Variants in CNKSR2 observed in about 807,000 individuals in gnomAD.
The protein encoded by CNKSR2 is CNK homolog protein 2.
Under a neutral mutation model 84.4 loss-of-function variants are expected in CNKSR2, and 14 were observed. The observed-to-expected ratio is 0.17, with a 90% confidence interval of 0.11 to 0.26. The LOEUF (loss-of-function observed/expected upper bound fraction) is 0.26. Ranked by LOEUF, CNKSR2 falls within the 10% of genes least tolerant of loss-of-function variation. The pLI, the probability that CNKSR2 is intolerant of heterozygous loss-of-function variation, is 1.00. For synonymous variants in CNKSR2, 275 were observed against 277.9 expected, an observed-to-expected ratio of 0.99 and a Z score of 0.10; for missense variants, 485 against 771.2, an observed-to-expected ratio of 0.63 and a Z score of 4.40.
chrX:21,527,356 TAC>T (rs1014350546), intron 10 of CNKSR2, among the ~76,000 whole-genome samples: 5 of 110,367 alleles, frequency 4.5e-5, no homozygotes, highest in African/African-American at 1.6e-4. Flanking sequence ...AAGCATTTCA[TAC>T]ATTTTTTTTT....
At chrX:21,456,185 C>T (rs766448751) in intron 4 of CNKSR2, among the ~76,000 whole-genome samples, 6 of 111,818 alleles carry the variant, frequency 5.4e-5, no homozygotes, top group African/African-American at 1.9e-4. Context: ...ATATTCATCA[C>T]CTCACATAGT....
rs2089765814 is a variant in CNKSR2, at chrX:21,374,490, G to A, written c.-408G>A. ...CGTGAGGCGAGCGGGCAAGTTGGCT[G>A]AGGGCGTGCGGCAGAGGCTGCTTCC... On this transcript the variant is annotated 5_prime_UTR_variant, in exon 1 of 22. Coordinates refer to ENST00000379510, the MANE Select transcript of CNKSR2 (RefSeq NM_014927.5). 1 of 374,421 alleles carries A rather than the reference G, an allele frequency of 2.7e-6. No individual in the cohort carries two copies. The highest frequency in any genetic ancestry group is 4.7e-6 in the Non-Finnish European group (1 of 211,475). The allele number at this position is 374,421 out of a possible 1,213,427, so 30.9% of individuals were successfully genotyped here. A position where few individuals can be genotyped will look rare whatever the true frequency, so the allele number is the denominator to read the frequency against.
chrX:21,513,032 A>G (rs181370450), intron 8 of CNKSR2, among the ~76,000 whole-genome samples: 559 of 112,310 alleles, frequency 5.0e-3, no homozygotes, highest in Non-Finnish European at 8.8e-3. Flanking sequence ...AAATATAAAT[A>G]AAAAGAATGT....
At chrX:21,403,628 C>T (rs1275913403) in intron 1 of CNKSR2, among the ~76,000 whole-genome samples, 1 of 111,155 alleles carries the variant, frequency 9.0e-6, no homozygotes, top group Non-Finnish European at 1.9e-5. Context: ...TTATAGAAAC[C>T]CACAAAAGTT....
At chrX:21,632,381 T>G (rs1331186962) in intron 20 of CNKSR2, among the ~76,000 whole-genome samples, 2 of 111,580 alleles carry the variant, frequency 1.8e-5, no homozygotes, top group Admixed American at 1.9e-4. Context: ...AAGGCCTTGG[T>G]TCCCAAGGCC....
At chrX:21,395,162 G>A (rs2146973603) in intron 1 of CNKSR2, among the ~76,000 whole-genome samples, 1 of 111,359 alleles carries the variant, frequency 9.0e-6, no homozygotes, top group Non-Finnish European at 1.9e-5. Context: ...TTACATTTTG[G>A]TCTGCATTTG....
At chrX:21,615,395 G>C (rs930977268) in intron 20 of CNKSR2, among the ~76,000 whole-genome samples, 1 of 111,855 alleles carries the variant, frequency 8.9e-6, no homozygotes, top group South Asian at 3.7e-4. Flanking sequence ...TCCTAGCTTA[G>C]AATACAGTCT....
At chrX:21,450,631 A>G (rs771076612) in intron 4 of CNKSR2, among the ~76,000 whole-genome samples, 1 of 111,835 alleles carries the variant, frequency 8.9e-6, no homozygotes, top group Non-Finnish European at 1.9e-5. Flanking sequence ...TATTTATGAT[A>G]GTATTTGATT....
intron 20 of CNKSR2, among the ~76,000 whole-genome samples, chrX:21,635,578 ATG>A (rs1450930321): frequency 1.9e-5 from 2 of 107,916 alleles, no homozygotes; most frequent in African/African-American, 6.7e-5. Flanking sequence ...GTATATATAA[ATG>A]TGTGTGTGTA....
chrX:21,381,354 A>G (rs1210047891), intron 1 of CNKSR2, among the ~76,000 whole-genome samples: 1 of 111,712 alleles, frequency 9.0e-6, no homozygotes, highest in African/African-American at 3.3e-5. Flanking sequence ...GCATCAGTGG[A>G]AAAGTTGGAG....
At chrX:21,548,425 A>G (rs1434148082) in intron 11 of CNKSR2, among the ~76,000 whole-genome samples, 1 of 111,827 alleles carries the variant, frequency 8.9e-6, no homozygotes, top group Non-Finnish European at 1.9e-5. Flanking sequence ...TGAGGCAGTA[A>G]TTAATAGCCT....
At chrX:21,433,292 C>G (rs1421662072) in intron 3 of CNKSR2, among the ~76,000 whole-genome samples, 2 of 111,248 alleles carry the variant, frequency 1.8e-5, no homozygotes, top group Non-Finnish European at 3.8e-5. Flanking sequence ...TTACATTGTA[C>G]TATTTTGGAT....
chrX:21,626,579 T>C (rs1602050915), intron 20 of CNKSR2, among the ~76,000 whole-genome samples: 1 of 112,016 alleles, frequency 8.9e-6, no homozygotes, highest in African/African-American at 3.2e-5. Flanking sequence ...GGCAAAATGT[T>C]ACCTTCTCAG....
chrX:21,646,247 T>C (rs911823930), intron 20 of CNKSR2, among the ~76,000 whole-genome samples: 1 of 111,752 alleles, frequency 8.9e-6, no homozygotes, highest in East Asian at 2.8e-4. Context: ...TGTTCAAGTG[T>C]GCTGCCCAGA....
chrX:21,606,539 A>G, intron 18 of CNKSR2: 1 of 295,611 alleles, frequency 3.4e-6, no homozygotes, highest in Non-Finnish European at 5.9e-6. Context: ...CTCTAAAATT[A>G]TGGCTGCATG....
intron 13 of CNKSR2, among the ~76,000 whole-genome samples, chrX:21,581,806 G>T: frequency 8.9e-6 from 1 of 112,019 alleles, no homozygotes; most frequent in Non-Finnish European, 1.9e-5. Context: ...TAAACAAATG[G>T]TTTCTGCCTT....
chrX:21,447,633 G>A (rs1384931576), intron 4 of CNKSR2, among the ~76,000 whole-genome samples: 2 of 111,454 alleles, frequency 1.8e-5, no homozygotes, highest in Admixed American at 1.9e-4. Flanking sequence ...GATATACTGT[G>A]ACTATTCTTT....
chrX:21,477,961 T>C (rs1301294205), intron 5 of CNKSR2, among the ~76,000 whole-genome samples: 1 of 111,975 alleles, frequency 8.9e-6, no homozygotes, highest in East Asian at 2.8e-4. Flanking sequence ...CCCAGACTCT[T>C]CTAAAAGCTA....
intron 11 of CNKSR2, among the ~76,000 whole-genome samples, chrX:21,539,784 C>A (rs1438182136): frequency 9.0e-6 from 1 of 111,067 alleles, no homozygotes; most frequent in Non-Finnish European, 1.9e-5. Context: ...CTTGTATTCT[C>A]CAAAGTTTTT....
Sources: allele counts gnomAD v4.1 joint callset (sites outside exome capture counted in the v4.1 genomes callset), GRCh38; gene constraint gnomAD v4.1.1; transcripts MANE v1.5; gene names NCBI Gene and HGNC (gene_info 2026-07-23, HGNC 2026-07-21).